Variants in ZFP91 observed in about 807,000 individuals in gnomAD.
ZFP91 encodes E3 ubiquitin-protein ligase ZFP91.
ZFP91 carries 7 observed loss-of-function variants against 63.5 expected under a neutral mutation model. That is an observed-to-expected ratio of 0.11 (90% CI 0.06 to 0.21). The LOEUF is 0.21. Ranked by LOEUF, ZFP91 falls within the 10% of genes least tolerant of loss-of-function variation. ZFP91 has a pLI of 1.00. For missense variants in ZFP91, 628 were observed against 736.6 expected, an observed-to-expected ratio of 0.85 and a Z score of 1.71; for synonymous variants, 330 against 272.1, an observed-to-expected ratio of 1.21 and a Z score of -2.10.
At chr11:58,613,989 C>G (rs1224751003) in intron 8 of ZFP91, among the ~76,000 whole-genome samples, 1 of 152,132 alleles carries the variant, frequency 6.6e-6, no homozygotes, top group Non-Finnish European at 1.5e-5. Flanking sequence ...CAAATGAGAA[C>G]TGGAGCTTGA....
At chr11:58,598,395 T>C (rs992723099) in intron 2 of ZFP91, among the ~76,000 whole-genome samples, 2 of 152,146 alleles carry the variant, frequency 1.3e-5, no homozygotes, top group Admixed American at 1.3e-4. Context: ...AAAAATTTTC[T>C]TACATATTTT....
In ZFP91 at chr11:58,617,070, TTGTGTGTG is replaced by T. The variant is rs143676081; in HGVS notation, c.1203-104_1203-97del. 12 of 740,500 alleles carry T rather than the reference TTGTGTGTG, an allele frequency of 1.6e-5. No homozygotes were observed. Among genetic ancestry groups the T allele is most frequent in the South Asian group, 6.1e-5 (3 of 49,026 alleles). 45.9% of individuals were successfully genotyped at this position (740,500 alleles called of 1,614,324 possible). On this transcript the variant is annotated intron_variant, in intron 10 of 10. Transcript: ENST00000316059. This position sits in a 1 kb window ranked among gnomAD's most constrained non-coding sequence, Gnocchi z 4.2. ...TTCAAAAGAAGTATGTTACTGATTA[TTGTGTGTG>T]TGTGTGTGTGTGTGTGTGTGTATGT...
chr11:58,615,898 A>G (rs1855741732), intron 9 of ZFP91, among the ~76,000 whole-genome samples: 2 of 152,242 alleles, frequency 1.3e-5, no homozygotes, highest in African/African-American at 4.8e-5. Context: ...AAGCAAAAGG[A>G]GTAGAAAATG....
intron 2 of ZFP91, among the ~76,000 whole-genome samples, chr11:58,591,892 G>A (rs759430476): frequency 6.6e-6 from 1 of 152,060 alleles, no homozygotes; most frequent in African/African-American, 2.4e-5. Flanking sequence ...TCAGGGACTC[G>A]GTGTTGGTCT....
At chr11:58,614,058 G>C (rs1274740015) in intron 8 of ZFP91, among the ~76,000 whole-genome samples, 171 bp from the exon 9 acceptor site, 7 of 152,126 alleles carry the variant, frequency 4.6e-5, no homozygotes, top group Non-Finnish European at 1.0e-4. Context: ...TTGGAAACCA[G>C]GTCTGTGTAT....
At chr11:58,595,176 A>G (rs996431576) in intron 2 of ZFP91, among the ~76,000 whole-genome samples, 1 of 152,238 alleles carries the variant, frequency 6.6e-6, no homozygotes, top group African/African-American at 2.4e-5. Flanking sequence ...ATCTATGAAG[A>G]TAAGAATAAT....
chr11:58,611,784 G>C lies in ZFP91; in HGVS notation c.857+46G>C, dbSNP rs767616341. The C allele has an allele frequency of 3.2e-6, 5 of 1,558,586 alleles. 1 individual carries two copies. In the Admixed American group the frequency reaches 5.7e-5, roughly 18 times the overall value. On this transcript the variant is annotated intron_variant, in intron 6 of 10. Transcript: ENST00000316059. Reference sequence around the variant, plus strand: ...AATGAAAATCTAACAGATTTTGAACGACTAGTGGAAAAAAGAGTGGGAGTG... The same window carrying C: ...AATGAAAATCTAACAGATTTTGAACCACTAGTGGAAAAAAGAGTGGGAGTG...
chr11:58,611,581 T>C (rs775041431), intron 5 of ZFP91, 23 bp from the exon 6 acceptor site: 20 of 1,608,270 alleles, frequency 1.2e-5, no homozygotes, highest in East Asian at 2.2e-5. Flanking sequence ...TTGTCTAGTA[T>C]TGAAATGCAT....
chr11:58,617,044 C>G lies in ZFP91; in HGVS notation c.1203-152C>G. The G allele has an allele frequency of 1.1e-6, 1 of 909,690 alleles. No individual in the cohort carries two copies. The highest frequency in any genetic ancestry group is 1.6e-6 in the Non-Finnish European group (1 of 619,408). 56.4% of individuals were successfully genotyped at this position (909,690 alleles called of 1,614,324 possible). A position where few individuals can be genotyped will look rare whatever the true frequency, so the allele number is the denominator to read the frequency against. On this transcript the variant is annotated intron_variant, in intron 10 of 10. Coordinates refer to ENST00000316059, the MANE Select transcript of ZFP91 (RefSeq NM_053023.5). The surrounding 1 kb of genome is among the most constrained non-coding windows in gnomAD (Gnocchi z 4.2). ...TTCCATCTAGTAACATTTCCCAATC[C>G]TTCAAAAGAAGTATGTTACTGATTA...
At position 58,617,425 on chromosome 11, in the gene ZFP91, A is replaced by C; in HGVS notation, c.1432A>C (p.Thr478Pro). The C allele has an allele frequency of 6.2e-7, 1 of 1,613,818 alleles. No individual in the cohort carries two copies. Among genetic ancestry groups the C allele is most frequent in the Admixed American group, 1.7e-5 (1 of 59,962 alleles). ...CATCACCAGCACAGATATCTTGGGCACTAACCCAGAGTCCCTGACGCAGCC... is the reference window on the plus strand; with the variant it reads ...CATCACCAGCACAGATATCTTGGGCCCTAACCCAGAGTCCCTGACGCAGCC... ...ALITSTDILG[T>P]NPESLTQPSD... The change falls in exon 11 of 11, where the codon ACT (threonine) becomes CCT (proline). Residue 478 changes from threonine to proline, a missense_variant. Coordinates refer to ENST00000316059, the MANE Select transcript of ZFP91 (RefSeq NM_053023.5). This position sits in a 1 kb window ranked among gnomAD's most constrained non-coding sequence, Gnocchi z 4.2.
At chr11:58,613,630 C>G (rs1185157248) in intron 8 of ZFP91, among the ~76,000 whole-genome samples, 1 of 151,964 alleles carries the variant, frequency 6.6e-6, no homozygotes, top group Non-Finnish European at 1.5e-5. Flanking sequence ...AGAACTCAAA[C>G]CTGTGATTTC....
At chr11:58,589,963 A>ATTATATAGG (rs1855276785) in intron 2 of ZFP91, among the ~76,000 whole-genome samples, 1 of 152,240 alleles carries the variant, frequency 6.6e-6, no homozygotes, top group Admixed American at 6.5e-5. Flanking sequence ...TTTGCCTATT[A>ATTATATAGG]CAGCTCAACT....
intron 2 of ZFP91, among the ~76,000 whole-genome samples, chr11:58,598,532 C>T (rs1855440612): frequency 6.6e-6 from 1 of 152,048 alleles, no homozygotes; most frequent in South Asian, 2.1e-4. Flanking sequence ...TCTTCCTTTA[C>T]CCAAGCTAGT....
chr11:58,579,734 C>T lies in ZFP91; in HGVS notation c.341+112C>T, dbSNP rs1855067570. 1.9e-5 allele frequency: 19 copies of T among 1,019,128 alleles called. No individual in the cohort carries two copies. The South Asian group carries it at 3.2e-4, about 17-fold the overall frequency. The allele number at this position is 1,019,128 out of a possible 1,614,324, so 63.1% of individuals were successfully genotyped here. A position where few individuals can be genotyped will look rare whatever the true frequency, so the allele number is the denominator to read the frequency against. On this transcript the variant is annotated intron_variant, in intron 1 of 10. Transcript: ENST00000316059. The stretch of plus-strand genomic sequence containing the variant: ...ACATCCTGCCTGGTCTGCCCCCTGC[C>T]GGCTCCGCACGCCAGATGTCACACC...
intron 2 of ZFP91, among the ~76,000 whole-genome samples, chr11:58,605,088 T>G (rs1227098111): frequency 5.3e-5 from 8 of 152,342 alleles, no homozygotes; most frequent in Admixed American, 2.0e-4. Context: ...TTTCATTTTC[T>G]GTATATTTTT....
At chr11:58,582,586 C>G (rs894838396) in intron 1 of ZFP91, among the ~76,000 whole-genome samples, 1 of 152,138 alleles carries the variant, frequency 6.6e-6, no homozygotes, top group African/African-American at 2.4e-5. Flanking sequence ...AACCTCTGTT[C>G]CCATTGGAAG....
At chr11:58,604,064 A>G (rs961477189) in intron 2 of ZFP91, among the ~76,000 whole-genome samples, 4 of 152,204 alleles carry the variant, frequency 2.6e-5, no homozygotes, top group African/African-American at 4.8e-5. Context: ...TGTATTTTGC[A>G]CATTGGAAGG....
intron 1 of ZFP91, among the ~76,000 whole-genome samples, chr11:58,583,142 A>C (rs1855147006): frequency 6.6e-6 from 1 of 152,092 alleles, no homozygotes; most frequent in Non-Finnish European, 1.5e-5. Flanking sequence ...GCGTTCTGCT[A>C]GTAGGGAATG....
At chr11:58,614,643 A>G (rs1011451502) in intron 9 of ZFP91, among the ~76,000 whole-genome samples, 2 of 152,138 alleles carry the variant, frequency 1.3e-5, no homozygotes, top group African/African-American at 2.4e-5. Context: ...TAATTAGTCT[A>G]TTCAACACCA....
Sources: allele counts gnomAD v4.1 joint callset (sites outside exome capture counted in the v4.1 genomes callset), GRCh38; gene constraint gnomAD v4.1.1; non-coding constraint Gnocchi (gnomAD v3.1); transcripts MANE v1.5; gene names NCBI Gene and HGNC (gene_info 2026-07-23, HGNC 2026-07-21).